Variants in SPTB observed in about 807,000 individuals in gnomAD.
SPTB encodes the protein spectrin beta, erythrocytic.
A neutral mutation model predicts 256.2 loss-of-function variants in SPTB; 45 were observed. The ratio of observed to expected loss-of-function variants is 0.18; its 90% CI spans 0.14 to 0.23. SPTB has a LOEUF of 0.23. SPTB is among the 10% of genes least tolerant of loss of function. SPTB has a pLI of 1.00. For missense variants in SPTB, 2,715 were observed against 3,040.4 expected (o/e 0.89, Z 2.52); for synonymous variants, 1,231 against 1,243.1 (o/e 0.99, Z 0.21).
chr14:64,871,345 A>G (rs762257617), intron 1 of SPTB, among the ~76,000 whole-genome samples: 17 of 152,102 alleles, frequency 1.1e-4, no homozygotes, highest in Non-Finnish European at 5.9e-5. Flanking sequence ...AGGGTTTGTG[A>G]TGGAAAGTGG....
rs2083817466 is a variant in SPTB, at chr14:64,853,422, G to A, written c.-52+26370C>T. Among the ~76,000 whole-genome samples the A allele has an allele frequency of 6.6e-6, 1 of 152,184 alleles. No individual in the cohort carries two copies. Among genetic ancestry groups the A allele is most frequent in the Non-Finnish European group, 1.5e-5 (1 of 68,044 alleles). On this transcript the variant is annotated intron_variant, in intron 1 of 35. Transcript: ENST00000644917. This position sits in a 1 kb window ranked among gnomAD's most constrained non-coding sequence, Gnocchi z 4.3. ...GCAATTTAGGAGATAACCATATCAG[G>A]AAGCCTCAGGGGAGGAAATTTCCAG...
chr14:64,782,966 C>T (rs74859785), intron 19 of SPTB, among the ~76,000 whole-genome samples: 9,083 of 152,022 alleles, frequency 0.06, 330 homozygotes, highest in Non-Finnish European at 0.09. Flanking sequence ...TCAGGGAGAC[C>T]GCAGCATGGG....
chr14:64,770,337 AAAGT>A (rs2082259646), intron 27 of SPTB, among the ~76,000 whole-genome samples: 1 of 152,200 alleles, frequency 6.6e-6, no homozygotes, highest in Admixed American at 6.5e-5. Context: ...AAGGATGTTA[AAAGT>A]AAGACCATCA....
At chr14:64,814,598 C>T (rs2083154668) in intron 2 of SPTB, among the ~76,000 whole-genome samples, 1 of 152,210 alleles carries the variant, frequency 6.6e-6, no homozygotes, top group Non-Finnish European at 1.5e-5. Context: ...TCACTGTAAC[C>T]TTTGCCTCCT....
Position 64,774,484 on chromosome 14 carries a change from T to C in SPTB, c.4886A>G (p.Gln1629Arg). ...GCCGTAGTCCTCCACCGCACGCTGC[T>C]GCCGCAAATGTCGCTTCAGCATCAC... Reference protein sequence around the residue: ...AIVMLKRHLRQQRAVEDYGRN... With the variant: ...AIVMLKRHLRRQRAVEDYGRN... Residue 1629 changes from glutamine to arginine, a missense_variant, in exon 24 of 36, where the codon CAG becomes CGG. Physicochemically the swap from Gln to Arg is conservative, Grantham distance 43. Coordinates refer to ENST00000644917, the MANE Select transcript of SPTB (RefSeq NM_001355436.2). The C allele has an allele frequency of 6.4e-7, 1 of 1,556,044 alleles. No individual in the cohort carries two copies. Among genetic ancestry groups the C allele is most frequent in the East Asian group, 2.4e-5 (1 of 41,336 alleles).
rs777550092 is a variant in SPTB, at chr14:64,794,548, A to C, written c.1714T>G (p.Leu572Val). The C allele has an allele frequency of 3.1e-6, 5 of 1,614,178 alleles. No individual in the cohort carries two copies. Among genetic ancestry groups the C allele is most frequent in the East Asian group, 2.2e-5 (1 of 44,878 alleles). ...TGGATGGCGATGTCAGCTTCCATCAACTTGTGCTTCTGTAGCAGGTCTTCA... is the reference window on the plus strand; with the variant it reads ...TGGATGGCGATGTCAGCTTCCATCACCTTGTGCTTCTGTAGCAGGTCTTCA... The part of the protein sequence containing the change: ...EVEDLLQKHK[L>V]MEADIAIQGD... Residue 572 changes from leucine to valine, a missense_variant, in exon 13 of 36, where the codon TTG (leucine) becomes GTG (valine). Around this residue, in one of 4 missense-constraint regions of SPTB, gnomAD observed 2,239 missense variants for 2,384.4 expected, o/e 0.94. Coordinates refer to ENST00000644917, the MANE Select transcript of SPTB (RefSeq NM_001355436.2).
chr14:64,774,575 C>G (rs781338834), intron 23 of SPTB, 48 bp from the exon 24 acceptor site: 11 of 1,550,630 alleles, frequency 7.1e-6, no homozygotes, highest in African/African-American at 1.4e-5. Flanking sequence ...TGGCCATGAT[C>G]CCTCCCTTGG....
At chr14:64,776,263 A>G (rs2082354151) in intron 22 of SPTB, among the ~76,000 whole-genome samples, 1 of 152,192 alleles carries the variant, frequency 6.6e-6, no homozygotes, top group South Asian at 2.1e-4. Context: ...TAAAATATGC[A>G]CAAAATAACC....
intron 15 of SPTB, among the ~76,000 whole-genome samples, chr14:64,788,857 G>A: frequency 6.6e-6 from 1 of 152,210 alleles, no homozygotes; most frequent in Middle Eastern, 3.2e-3. Context: ...TCTAGGTTTG[G>A]TCCTGGGCCA....
chr14:64,749,876 G>T lies in SPTB; in HGVS notation c.6776+105C>A. On this transcript the variant is annotated intron_variant, in intron 34 of 35. Transcript: ENST00000644917. The surrounding 1 kb of genome is among the most constrained non-coding windows in gnomAD (Gnocchi z 4.7). ...CTCTTTGATTTGAAAAACCCCTGAG[G>T]AGCAGCTCAGGCCTGGCACTGGTCC... 1 of 1,530,330 alleles carries T rather than the reference G, an allele frequency of 6.5e-7. No homozygotes were observed. The highest frequency in any genetic ancestry group is 1.1e-5 in the South Asian group (1 of 88,690). The allele number at this position is 1,530,330 out of a possible 1,614,324, so 94.8% of individuals were successfully genotyped here. A position where few individuals can be genotyped will look rare whatever the true frequency, so the allele number is the denominator to read the frequency against.
chr14:64,838,272 T>G (rs2083556378), intron 1 of SPTB, among the ~76,000 whole-genome samples: 1 of 152,104 alleles, frequency 6.6e-6, no homozygotes, highest in Non-Finnish European at 1.5e-5. Flanking sequence ...CAAAATGGAT[T>G]ATTGATCTAA....
rs2083717617 is a variant in SPTB, at chr14:64,847,901, C to T, written c.-51-24756G>A. ...CAAAGGGAGGCACTCCACACCTCCG[C>T]TTCCTCCACTGTCCGTGGCCAGGTG... On this transcript the variant is annotated intron_variant, in intron 1 of 35. Coordinates refer to ENST00000644917, the MANE Select transcript of SPTB (RefSeq NM_001355436.2). This position sits in a 1 kb window ranked among gnomAD's most constrained non-coding sequence, Gnocchi z 5.9. 6.6e-6 allele frequency among the ~76,000 whole-genome samples: 1 copy of T among 152,192 alleles called. No homozygotes were observed.
At chr14:64,752,139 C>T (rs2081961287) in intron 33 of SPTB, 4 of 1,279,800 alleles carry the variant, frequency 3.1e-6, no homozygotes, top group Middle Eastern at 2.4e-4. Context: ...AAATAGGGCT[C>T]ATGTCAACTG....
chr14:64,859,754 T>C (rs1224400763), intron 1 of SPTB, among the ~76,000 whole-genome samples: 3 of 152,030 alleles, frequency 2.0e-5, no homozygotes, highest in Admixed American at 6.6e-5. Flanking sequence ...AATTAGTATA[T>C]GTATAAAAGA....
At position 64,824,934 on chromosome 14, in the gene SPTB, A is replaced by G. The variant is rs1486622061; in HGVS notation, c.-51-1789T>C. 1.2e-4 allele frequency among the ~76,000 whole-genome samples: 19 copies of G among 152,120 alleles called. No individual in the cohort carries two copies. The highest frequency in any genetic ancestry group is 1.2e-3 in the Admixed American group (19 of 15,274). Reference sequence around the variant, plus strand: ...TTACCCACCCTAATTGCCTTGGGAGAAAAACCAAGGCCTGCTGCAGGAGGA... The same window carrying G: ...TTACCCACCCTAATTGCCTTGGGAGGAAAACCAAGGCCTGCTGCAGGAGGA... On this transcript the variant is annotated intron_variant, in intron 1 of 35. Transcript: ENST00000644917. The surrounding 1 kb of genome is among the most constrained non-coding windows in gnomAD (Gnocchi z 5.7).
chr14:64,829,462 C>A (rs1473736638), intron 1 of SPTB, among the ~76,000 whole-genome samples: 1 of 152,164 alleles, frequency 6.6e-6, no homozygotes, highest in Non-Finnish European at 1.5e-5. Flanking sequence ...ATCTGAATTA[C>A]AGACTCAATA....
At chr14:64,767,208 T>A (rs2082199142) in intron 31 of SPTB, 95 bp downstream of exon 31, 27 of 1,520,308 alleles carry the variant, frequency 1.8e-5, no homozygotes, top group Non-Finnish European at 2.3e-5. Flanking sequence ...AGAAGTCAAA[T>A]GCAACTGGTC....
At chr14:64,851,426 CAGAA>C (rs374531171) in intron 1 of SPTB, among the ~76,000 whole-genome samples, 10 of 152,224 alleles carry the variant, frequency 6.6e-5, no homozygotes, top group African/African-American at 2.2e-4. Flanking sequence ...GCCTAGCACC[CAGAA>C]AGAGTTAATA....
intron 19 of SPTB, 56 bp from the exon 20 acceptor site, chr14:64,782,609 C>A: frequency 6.2e-7 from 1 of 1,608,196 alleles, no homozygotes; most frequent in South Asian, 1.1e-5. Context: ...CTTGGATCAG[C>A]CCTGCTCCTG....
Sources: allele counts gnomAD v4.1 joint callset (sites outside exome capture counted in the v4.1 genomes callset), GRCh38; gene constraint gnomAD v4.1.1; regional missense constraint gnomAD v4.1.1; non-coding constraint Gnocchi (gnomAD v3.1); transcripts MANE v1.5; gene names NCBI Gene and HGNC (gene_info 2026-07-23, HGNC 2026-07-21).